Variants in TRPC4 observed in about 807,000 individuals in gnomAD.
The protein encoded by TRPC4 is short transient receptor potential channel 4.
In TRPC4, 49 loss-of-function variants were observed where a neutral mutation model predicts 99.4. The observed-to-expected ratio is 0.49, with a 90% CI of 0.39 to 0.63. The LOEUF (loss-of-function observed/expected upper bound fraction) is 0.63. Ranked by LOEUF, TRPC4 falls within the 20% of genes least tolerant of loss-of-function variation. TRPC4 has a pLI of 0.00. For missense variants in TRPC4, 898 were observed against 1,152.9 expected, an observed-to-expected ratio of 0.78 and a Z score of 3.20; for synonymous variants, 454 against 425.9, an observed-to-expected ratio of 1.07 and a Z score of -0.81.
chr13:37,832,464 G>A (rs750184330), intron 1 of TRPC4, among the ~76,000 whole-genome samples: 40 of 152,070 alleles, frequency 2.6e-4, no homozygotes, highest in Non-Finnish European at 4.9e-4. Flanking sequence ...TCTTGAACCC[G>A]GGAGACAGAG....
chr13:37,685,642 G>A (rs1305533103), intron 4 of TRPC4, among the ~76,000 whole-genome samples: 1 of 150,812 alleles, frequency 6.6e-6, no homozygotes, highest in Non-Finnish European at 1.5e-5. Flanking sequence ...TTCTTTCTTG[G>A]TATCTACTCC....
intron 2 of TRPC4, among the ~76,000 whole-genome samples, chr13:37,747,966 C>A (rs935836798): frequency 5.3e-5 from 8 of 152,046 alleles, no homozygotes; most frequent in African/African-American, 1.9e-4. Flanking sequence ...ATCTGATAAC[C>A]AAGATGGCTC....
intron 3 of TRPC4, among the ~76,000 whole-genome samples, chr13:37,721,084 G>C (rs1954851881): frequency 1.3e-5 from 2 of 152,146 alleles, no homozygotes; most frequent in Admixed American, 1.3e-4. Flanking sequence ...CCAAAAGTCA[G>C]CCTATGAATA....
intron 3 of TRPC4, among the ~76,000 whole-genome samples, chr13:37,715,114 G>A (rs1220062566): frequency 6.6e-6 from 1 of 152,128 alleles, no homozygotes; most frequent in Admixed American, 6.5e-5. Context: ...GGAGTTTCAT[G>A]GTCTAAAGAG....
At chr13:37,835,162 T>G (rs1958532797) in intron 1 of TRPC4, among the ~76,000 whole-genome samples, 1 of 152,170 alleles carries the variant, frequency 6.6e-6, no homozygotes, top group Non-Finnish European at 1.5e-5. Context: ...GCAACAATTA[T>G]CCTTTCAAAG....
intron 3 of TRPC4, among the ~76,000 whole-genome samples, chr13:37,713,086 C>A (rs1330831913): frequency 6.6e-6 from 1 of 152,030 alleles, no homozygotes; most frequent in Non-Finnish European, 1.5e-5. Context: ...GTTTTTTCAA[C>A]CAGGAATCTG....
intron 1 of TRPC4, among the ~76,000 whole-genome samples, chr13:37,811,687 T>C (rs1254648744): frequency 6.6e-6 from 1 of 152,122 alleles, no homozygotes; most frequent in Non-Finnish European, 1.5e-5. Flanking sequence ...TCTGTGAAGA[T>C]AACAGGGAAG....
At chr13:37,840,146 C>A (rs2139633427) in intron 1 of TRPC4, among the ~76,000 whole-genome samples, 1 of 152,202 alleles carries the variant, frequency 6.6e-6, no homozygotes, top group Non-Finnish European at 1.5e-5. Flanking sequence ...AGGTTGATTA[C>A]AGAATAAATC....
At chr13:37,860,783 C>A (rs1252025365) in intron 1 of TRPC4, among the ~76,000 whole-genome samples, 2 of 151,432 alleles carry the variant, frequency 1.3e-5, no homozygotes, top group African/African-American at 2.4e-5. Context: ...AGCCTCCAAT[C>A]CTAGATCCAA....
At chr13:37,810,702 A>C (rs977935201) in intron 1 of TRPC4, among the ~76,000 whole-genome samples, 1 of 151,970 alleles carries the variant, frequency 6.6e-6, no homozygotes, top group Non-Finnish European at 1.5e-5. Flanking sequence ...TAAACTTTAT[A>C]CTTTTGATTT....
intron 3 of TRPC4, among the ~76,000 whole-genome samples, chr13:37,719,580 T>G (rs924207492): frequency 6.6e-6 from 1 of 152,090 alleles, no homozygotes; most frequent in African/African-American, 2.4e-5. Flanking sequence ...AGCATACCAA[T>G]GTGTAAAGCA....
intron 3 of TRPC4, among the ~76,000 whole-genome samples, chr13:37,724,599 G>T (rs375400809): frequency 4.6e-5 from 7 of 151,704 alleles, no homozygotes; most frequent in East Asian, 3.9e-4. Flanking sequence ...TATATAAGCG[G>T]TTTTTTTTGT....
chr13:37,847,184 A>G (rs1326895662), intron 1 of TRPC4, among the ~76,000 whole-genome samples: 1 of 152,086 alleles, frequency 6.6e-6, no homozygotes, highest in African/African-American at 2.4e-5. Context: ...ACTTTAGATC[A>G]CACGTACCTG....
At chr13:37,710,131 AC>A (rs1343120084) in intron 3 of TRPC4, among the ~76,000 whole-genome samples, 3 of 152,010 alleles carry the variant, frequency 2.0e-5, no homozygotes, top group Non-Finnish European at 4.4e-5. Flanking sequence ...CAGCAAATAA[AC>A]ATGATCATGA....
rs74242386 is a variant in TRPC4, at chr13:37,841,111, G to T, written c.-28+28484C>A. ...TTTAAAAGTAGTTGAAATTGTGCTT[G>T]TTTATAATAATAACAGGTGATTTAC... On this transcript the variant is annotated intron_variant, in intron 1 of 10. Transcript: ENST00000379705. 5.5e-4 allele frequency among the ~76,000 whole-genome samples: 83 copies of T among 152,126 alleles called. 1 individual carries two copies. In the East Asian group the frequency reaches 0.016, roughly 29 times the overall value.
At position 37,761,695 on chromosome 13, in the gene TRPC4, C is replaced by G. The variant is rs1332462058; in HGVS notation, c.379-15240G>C. ...TAAATCACTAAATAACATGGAGGTA[C>G]TAGTGTTATGTGACAGTACTAGGAT... On this transcript the variant is annotated intron_variant, in intron 2 of 10. Coordinates refer to ENST00000379705, the MANE Select transcript of TRPC4 (RefSeq NM_016179.4). 1.3e-4 allele frequency among the ~76,000 whole-genome samples: 19 copies of G among 151,802 alleles called. No individual in the cohort carries two copies. In the Admixed American group the frequency reaches 1.3e-3, roughly 10 times the overall value.
chr13:37,673,355 C>T (rs1593481829), intron 5 of TRPC4, among the ~76,000 whole-genome samples: 1 of 151,948 alleles, frequency 6.6e-6, no homozygotes. Flanking sequence ...AAGCAGAAGG[C>T]ATTATTTTAA....
chr13:37,661,856 A>G (rs1482015395), intron 6 of TRPC4, among the ~76,000 whole-genome samples: 2 of 152,118 alleles, frequency 1.3e-5, no homozygotes, highest in Non-Finnish European at 2.9e-5. Context: ...AGATATCAAA[A>G]TTGAGATGCC....
intron 4 of TRPC4, among the ~76,000 whole-genome samples, chr13:37,685,996 T>A (rs1221412743): frequency 2.0e-5 from 3 of 152,148 alleles, no homozygotes; most frequent in Non-Finnish European, 2.9e-5. Flanking sequence ...AATTAAAATA[T>A]CCATTTTAAA....
Sources: allele counts gnomAD v4.1 joint callset (sites outside exome capture counted in the v4.1 genomes callset), GRCh38; gene constraint gnomAD v4.1.1; transcripts MANE v1.5; gene names NCBI Gene and HGNC (gene_info 2026-07-23, HGNC 2026-07-21).